EPHA6: variants seen among roughly 807,000 people sequenced by gnomAD.
EPHA6 encodes EPH receptor A6.
Under a neutral mutation model 112.0 loss-of-function variants are expected in EPHA6, and 50 were observed. That is an observed-to-expected ratio of 0.45 (90% CI 0.36 to 0.56). The LOEUF is 0.56. Among genes scored for constraint, EPHA6 ranks in the 20% least tolerant of loss-of-function variants. The pLI is 0.00. For missense variants in EPHA6, 1,280 were observed against 1,417.4 expected (o/e 0.90, Z 1.56); for synonymous variants, 529 against 490.7 (o/e 1.08, Z -1.03).
chr3:97,297,082 C>T (rs1318306014), intron 5 of EPHA6, among the ~76,000 whole-genome samples: 1 of 152,126 alleles, frequency 6.6e-6, no homozygotes, highest in African/African-American at 2.4e-5. Flanking sequence ...GGTCTCCAGG[C>T]AGGTCCCTAG....
At chr3:97,065,786 T>C (rs2046157847) in intron 3 of EPHA6, among the ~76,000 whole-genome samples, 1 of 152,094 alleles carries the variant, frequency 6.6e-6, no homozygotes, top group Admixed American at 6.6e-5. Context: ...GTATTAACTG[T>C]CTTCCAGTGT....
intron 5 of EPHA6, among the ~76,000 whole-genome samples, chr3:97,389,416 G>A (rs1296353109): frequency 6.6e-6 from 1 of 152,048 alleles, no homozygotes; most frequent in Admixed American, 6.6e-5. Context: ...GTGACCTAAT[G>A]TAACTTGAAT....
At chr3:97,350,086 C>T (rs2083731190) in intron 5 of EPHA6, among the ~76,000 whole-genome samples, 1 of 151,708 alleles carries the variant, frequency 6.6e-6, no homozygotes, top group African/African-American at 2.4e-5. Context: ...TAATGAAAGA[C>T]ATAGCATTGG....
At position 97,757,986 on chromosome 3, in the gene EPHA6, T is replaced by C. The variant is rs1252221410; in HGVS notation, c.*9285T>C. Among the ~76,000 whole-genome samples the C allele has an allele frequency of 2.0e-5, 3 of 151,888 alleles. No homozygotes were observed. The highest frequency in any genetic ancestry group is 2.9e-5 in the Non-Finnish European group (2 of 67,816). ...ATATTAGTCTGATATCCCCTAAAATTTGCTAGAGAAAGCAAACTCTTCTCA... is the reference window on the plus strand; with the variant it reads ...ATATTAGTCTGATATCCCCTAAAATCTGCTAGAGAAAGCAAACTCTTCTCA... On this transcript the variant is annotated 3_prime_UTR_variant, in exon 18 of 18. Coordinates refer to ENST00000389672, the MANE Select transcript of EPHA6 (RefSeq NM_001080448.3).
rs575919121 is a variant in EPHA6, at chr3:97,694,705, C to G, written c.2785-25556C>G. ...GTTTGAGGATGTCATTTAAGGGTAG[C>G]ATTGCAGGCTGCAGAAACTTCCATT... On this transcript the variant is annotated intron_variant, in intron 14 of 17. Transcript: ENST00000389672. Among the ~76,000 whole-genome samples, 6 of 152,366 alleles carry G rather than the reference C, an allele frequency of 3.9e-5. No homozygotes were observed. The South Asian group carries it at 1.2e-3, about 32-fold the overall frequency.
chr3:97,222,448 C>T (rs1000413415), intron 3 of EPHA6, among the ~76,000 whole-genome samples: 1 of 152,038 alleles, frequency 6.6e-6, no homozygotes, highest in Non-Finnish European at 1.5e-5. Context: ...AGTTGCAGCT[C>T]CTATATCCAA....
intron 1 of EPHA6, among the ~76,000 whole-genome samples, chr3:96,848,389 G>A (rs62262937): frequency 0.031 from 4,717 of 152,140 alleles, 105 homozygotes; most frequent in Middle Eastern, 0.068. Flanking sequence ...CACTTTGGGA[G>A]GCTGAGGCGG....
intron 3 of EPHA6, among the ~76,000 whole-genome samples, chr3:97,224,105 G>T (rs1032694059): frequency 6.6e-6 from 1 of 151,880 alleles, no homozygotes; most frequent in African/African-American, 2.4e-5. Context: ...ATAATATTTT[G>T]GATATATTGG....
intron 6 of EPHA6, among the ~76,000 whole-genome samples, chr3:97,441,769 A>C (rs2107282017): frequency 6.6e-6 from 1 of 152,196 alleles, no homozygotes; most frequent in East Asian, 1.9e-4. Context: ...ATACAGGAAA[A>C]CCACTGATAA....
In EPHA6 at chr3:96,814,874, T is replaced by C. The variant is rs1294842197; in HGVS notation, c.251T>C (p.Leu84Ser). 1 of 1,557,342 alleles carries C rather than the reference T, an allele frequency of 6.4e-7. No individual in the cohort carries two copies. Among genetic ancestry groups the C allele is most frequent in the East Asian group, 2.4e-5 (1 of 41,242 alleles). The change falls in exon 1 of 18, where the codon TTA becomes TCA. Residue 84 changes from leucine to serine, a missense_variant. This residue lies in a region of EPHA6 where 220 missense variants were observed against 171.5 expected (regional missense o/e 1.28). Coordinates refer to ENST00000389672, the MANE Select transcript of EPHA6 (RefSeq NM_001080448.3). The stretch of plus-strand genomic sequence containing the variant: ...TGCCTGCGCTGCCGCCACTTCTCTT[T>C]AAGGGAGAGGAAAAGAGAGCCTAGG... Reference protein sequence around the residue: ...NTCLRCRHFSLRERKREPRRT... With the variant: ...NTCLRCRHFSSRERKREPRRT...
intron 5 of EPHA6, among the ~76,000 whole-genome samples, chr3:97,265,445 G>A (rs2079644857): frequency 1.3e-5 from 2 of 152,198 alleles, no homozygotes; most frequent in South Asian, 4.1e-4. Context: ...AGGGGCTGGT[G>A]TGTCAGCACT....
chr3:97,545,834 T>C lies in EPHA6; in HGVS notation c.2386+13291T>C, dbSNP rs550545489. On this transcript the variant is annotated intron_variant, in intron 11 of 17. Transcript: ENST00000389672. ...CCATTATGTAATGGCCTTCTTTTTC[T>C]CCTTTGATCTTTGTTGGTTTAAAGT... is the stretch of plus-strand genomic sequence containing the variant. Among the ~76,000 whole-genome samples, 30 of 152,324 alleles carry C rather than the reference T, an allele frequency of 2.0e-4. 1 individual carries two copies. In the South Asian group the frequency reaches 5.8e-3, roughly 29 times the overall value.
At chr3:96,822,234 AAT>A (rs2033316027) in intron 1 of EPHA6, among the ~76,000 whole-genome samples, 1 of 151,940 alleles carries the variant, frequency 6.6e-6, no homozygotes, top group Non-Finnish European at 1.5e-5. Flanking sequence ...TTTTGTTCAA[AAT>A]ATGTTAGACT....
At chr3:97,614,222 G>T (rs192507924) in intron 13 of EPHA6, among the ~76,000 whole-genome samples, 1 of 151,394 alleles carries the variant, frequency 6.6e-6, no homozygotes, top group African/African-American at 2.4e-5. Context: ...TATAACATTT[G>T]TTGAATGTTA....
At position 97,474,242 on chromosome 3, in the gene EPHA6, C is replaced by A. The variant is rs949957285; in HGVS notation, c.1895-1110C>A. Among the ~76,000 whole-genome samples the A allele has an allele frequency of 5.3e-5, 8 of 151,936 alleles. 1 individual carries two copies. The South Asian group carries it at 1.0e-3, about 20-fold the overall frequency. On this transcript the variant is annotated intron_variant, in intron 7 of 17. Transcript: ENST00000389672. ...TAAATTATTATGTTAGAGACTTCTGCAGTTTGCTTCTCAGTTATATACTTT... is the reference window on the plus strand; with the variant it reads ...TAAATTATTATGTTAGAGACTTCTGAAGTTTGCTTCTCAGTTATATACTTT...
chr3:97,390,040 T>C (rs2086308785), intron 5 of EPHA6, among the ~76,000 whole-genome samples: 1 of 152,112 alleles, frequency 6.6e-6, no homozygotes. Context: ...GGTGTTACTT[T>C]ACCTCAGTGA....
At chr3:97,537,533 T>G (rs917991696) in intron 11 of EPHA6, among the ~76,000 whole-genome samples, 5 of 152,158 alleles carry the variant, frequency 3.3e-5, no homozygotes, top group African/African-American at 1.2e-4. Context: ...AATTTTTAAA[T>G]TTATTCATTC....
chr3:97,107,139 T>A (rs1366913668), intron 3 of EPHA6, among the ~76,000 whole-genome samples: 8 of 152,234 alleles, frequency 5.3e-5, no homozygotes, highest in African/African-American at 1.9e-4. Flanking sequence ...AGATTAATAT[T>A]TTAATTTTAT....
At chr3:97,107,848 T>C (rs1276939782) in intron 3 of EPHA6, among the ~76,000 whole-genome samples, 1 of 152,206 alleles carries the variant, frequency 6.6e-6, no homozygotes, top group Non-Finnish European at 1.5e-5. Flanking sequence ...TGCATTTTAT[T>C]TCCTCAAATA....
Sources: gnomAD v4.1 joint callset for allele counts (sites outside exome capture counted in the v4.1 genomes callset) on GRCh38, gnomAD v4.1.1 for gene constraint, gnomAD v4.1.1 regional missense constraint, MANE v1.5 for transcripts, NCBI Gene and HGNC (gene_info 2026-07-23, HGNC 2026-07-21) for gene names.